CCDC178: variants seen among roughly 807,000 people sequenced by gnomAD.
CCDC178 encodes coiled-coil domain containing 178, also known as coiled-coil domain-containing protein 178.
In CCDC178, 126 loss-of-function variants were observed where a neutral mutation model predicts 117.4. That is an observed-to-expected ratio of 1.07 (90% CI 0.93 to 1.24). The LOEUF is 1.24. Ranked by LOEUF, CCDC178 falls within the 50% of genes most tolerant of loss-of-function variation. The pLI is 0.00. For synonymous variants in CCDC178, 283 were observed against 313.4 expected, an observed-to-expected ratio of 0.90 and a Z score of 1.02; for missense variants, 1,030 against 986.9, an observed-to-expected ratio of 1.04 and a Z score of -0.59.
intron 21 of CCDC178, among the ~76,000 whole-genome samples, chr18:33,054,178 G>T (rs892354275): frequency 6.6e-6 from 1 of 151,952 alleles, no homozygotes; most frequent in African/African-American, 2.4e-5. Flanking sequence ...GAATCCTCTT[G>T]AACTGAGTTC....
intron 2 of CCDC178, among the ~76,000 whole-genome samples, chr18:33,426,400 C>T (rs1226388787): frequency 2.6e-5 from 4 of 152,144 alleles, no homozygotes; most frequent in Non-Finnish European, 4.4e-5. Context: ...TCAATTTGAC[C>T]AGACACATCT....
intron 20 of CCDC178, among the ~76,000 whole-genome samples, chr18:33,161,197 T>C (rs546172629): frequency 3.3e-5 from 5 of 152,272 alleles, no homozygotes; most frequent in African/African-American, 1.2e-4. Flanking sequence ...TTAAATTATC[T>C]ATAGACCTTG....
chr18:33,061,731 C>T (rs945837950), intron 21 of CCDC178, among the ~76,000 whole-genome samples: 14 of 152,194 alleles, frequency 9.2e-5, no homozygotes, highest in African/African-American at 1.9e-4. Context: ...AAATGAATAA[C>T]CAAATAGTGA....
At chr18:33,050,516 A>C (rs1202118960) in intron 21 of CCDC178, among the ~76,000 whole-genome samples, 1 of 152,204 alleles carries the variant, frequency 6.6e-6, no homozygotes, top group Non-Finnish European at 1.5e-5. Context: ...TCTAGATAAT[A>C]TAAAGGAATT....
chr18:32,976,653 T>C (rs2055034311), intron 21 of CCDC178, among the ~76,000 whole-genome samples: 1 of 152,110 alleles, frequency 6.6e-6, no homozygotes, highest in African/African-American at 2.4e-5. Context: ...TTTCATAGCA[T>C]ATATATGTTT....
At chr18:33,285,499 G>A (rs1289221788) in intron 12 of CCDC178, among the ~76,000 whole-genome samples, 1 of 152,108 alleles carries the variant, frequency 6.6e-6, no homozygotes, top group South Asian at 2.1e-4. Flanking sequence ...CCTGATAAGA[G>A]CATCTATCAA....
chr18:32,975,944 T>C (rs972466181), intron 21 of CCDC178, among the ~76,000 whole-genome samples: 1 of 152,136 alleles, frequency 6.6e-6, no homozygotes, highest in African/African-American at 2.4e-5. Context: ...CTTAACTAAA[T>C]ACTTGGTATT....
intron 21 of CCDC178, among the ~76,000 whole-genome samples, chr18:33,084,693 T>G (rs975872808): frequency 3.3e-5 from 5 of 151,292 alleles, no homozygotes; most frequent in African/African-American, 1.2e-4. Flanking sequence ...GCACCTGTAA[T>G]CCCAGCTACT....
At chr18:33,076,521 G>A (rs1175643453) in intron 21 of CCDC178, among the ~76,000 whole-genome samples, 2 of 152,128 alleles carry the variant, frequency 1.3e-5, no homozygotes, top group Non-Finnish European at 2.9e-5. Context: ...ATCTTCATTT[G>A]TTTTTCCAAA....
Position 33,323,578 on chromosome 18 carries a change from C to T in CCDC178, c.935G>A (p.Cys312Tyr), listed in dbSNP as rs751088874. The T allele has an allele frequency of 1.3e-6, 2 of 1,571,732 alleles. No homozygotes were observed. Among genetic ancestry groups the T allele is most frequent in the South Asian group, 2.4e-5 (2 of 83,978 alleles). ...NEELEEALEA[C>Y]ENARLKAQQI... ...CTGAGCCTTCAATCTGGCATTTTCA[C>T]AGGCTTCTAAAGCTTCTTCAAGTTC... The change falls in exon 11 of 23, where the codon TGT (cysteine) becomes TAT (tyrosine). Residue 312 changes from cysteine (C) to tyrosine (Y), a missense_variant. Coordinates refer to ENST00000383096, the MANE Select transcript of CCDC178 (RefSeq NM_001105528.4).
At chr18:32,995,035 G>A (rs990638916) in intron 21 of CCDC178, among the ~76,000 whole-genome samples, 1 of 152,154 alleles carries the variant, frequency 6.6e-6, no homozygotes, top group African/African-American at 2.4e-5. Flanking sequence ...GAGGAAAGCT[G>A]GCAATGACCC....
chr18:32,991,620 C>T (rs2055395469), intron 21 of CCDC178, among the ~76,000 whole-genome samples: 1 of 151,932 alleles, frequency 6.6e-6, no homozygotes, highest in African/African-American at 2.4e-5. Flanking sequence ...AATGTTGCAC[C>T]CCTCTTCCAA....
At chr18:33,422,635 A>G (rs978084718) in intron 2 of CCDC178, among the ~76,000 whole-genome samples, 6 of 152,200 alleles carry the variant, frequency 3.9e-5, no homozygotes, top group Admixed American at 3.9e-4. Flanking sequence ...TTGACTTTTA[A>G]TTGTATTTTA....
intron 5 of CCDC178, among the ~76,000 whole-genome samples, chr18:33,377,075 A>G (rs1316967319): frequency 1.3e-5 from 2 of 152,214 alleles, no homozygotes; most frequent in African/African-American, 4.8e-5. Context: ...CCAACAGTGT[A>G]TAACAATTCT....
chr18:33,276,993 C>T (rs979588392), intron 12 of CCDC178, among the ~76,000 whole-genome samples: 1 of 151,884 alleles, frequency 6.6e-6, no homozygotes, highest in Admixed American at 6.6e-5. Flanking sequence ...ATCTTAAAGC[C>T]AGCATCATAT....
chr18:33,411,753 A>C (rs2061359), intron 3 of CCDC178, among the ~76,000 whole-genome samples: 122,227 of 152,046 alleles, frequency 0.8, 49,384 homozygotes, highest in East Asian at 1. Flanking sequence ...AGAGCTGATT[A>C]CAGCACACCA....
chr18:33,264,058 A>G (rs2059784586), intron 14 of CCDC178, among the ~76,000 whole-genome samples: 1 of 152,110 alleles, frequency 6.6e-6, no homozygotes, highest in South Asian at 2.1e-4. Flanking sequence ...GAGATAAAAG[A>G]TAAGCTTTAA....
intron 6 of CCDC178, among the ~76,000 whole-genome samples, chr18:33,369,817 GA>G (rs1376048497): frequency 6.6e-6 from 1 of 151,878 alleles, no homozygotes; most frequent in Admixed American, 6.6e-5. Context: ...TCTGGATAAA[GA>G]ACAAACAGGT....
chr18:32,950,341 G>A (rs2054452852), intron 22 of CCDC178, among the ~76,000 whole-genome samples: 1 of 152,104 alleles, frequency 6.6e-6, no homozygotes, highest in African/African-American at 2.4e-5. Context: ...AGTCTCTCAA[G>A]CCAGCAAGAT....
Sources: gnomAD v4.1 joint callset for allele counts (sites outside exome capture counted in the v4.1 genomes callset) on GRCh38, gnomAD v4.1.1 for gene constraint, MANE v1.5 for transcripts, NCBI Gene and HGNC (gene_info 2026-07-23, HGNC 2026-07-21) for gene names.